The following ENPP6 variants were observed in gnomAD, a reference collection of about 807,000 sequenced individuals.
The protein encoded by ENPP6 is glycerophosphocholine cholinephosphodiesterase ENPP6.
In ENPP6, 32 loss-of-function variants were observed where a neutral mutation model predicts 42.0. That is an observed-to-expected ratio of 0.76 (90% CI 0.58 to 1.02). The LOEUF (loss-of-function observed/expected upper bound fraction) is 1.02. Among genes scored for constraint, ENPP6 ranks in the 50% least tolerant of loss-of-function variants. The pLI is 0.00. For synonymous variants in ENPP6, 213 were observed against 216.0 expected (o/e 0.99, Z 0.12); for missense variants, 552 against 566.8 (o/e 0.97, Z 0.27).
intron 3 of ENPP6, among the ~76,000 whole-genome samples, chr4:184,121,010 G>A (rs11943396): frequency 0.022 from 3,293 of 152,248 alleles, 109 homozygotes; most frequent in African/African-American, 0.076. Context: ...ACCACTGGCT[G>A]GCTTGTGAGG....
chr4:184,167,565 G>A (rs936617155), intron 1 of ENPP6, among the ~76,000 whole-genome samples: 10 of 152,176 alleles, frequency 6.6e-5, no homozygotes, highest in African/African-American at 1.9e-4. Flanking sequence ...AATCAAGTAC[G>A]AACCCATCAG....
chr4:184,092,748 G>A (rs1367567682), intron 7 of ENPP6, among the ~76,000 whole-genome samples: 1 of 152,234 alleles, frequency 6.6e-6, no homozygotes, highest in Non-Finnish European at 1.5e-5. Context: ...ATAAAGGCCT[G>A]TGCCTGTGCT....
intron 7 of ENPP6, among the ~76,000 whole-genome samples, chr4:184,092,616 G>C (rs914753673): frequency 2.0e-5 from 3 of 152,220 alleles, no homozygotes; most frequent in Admixed American, 1.3e-4. Flanking sequence ...CATTTAAAGA[G>C]TGAATGTAAG....
At chr4:184,150,810 G>A (rs1002645066) in intron 2 of ENPP6, among the ~76,000 whole-genome samples, 7 of 152,200 alleles carry the variant, frequency 4.6e-5, no homozygotes, top group Non-Finnish European at 1.0e-4. Flanking sequence ...AGGTCACTGA[G>A]GAAACTCTAG....
chr4:184,166,598 TCAC>T (rs1360052912), intron 1 of ENPP6, among the ~76,000 whole-genome samples: 1 of 152,228 alleles, frequency 6.6e-6, no homozygotes, highest in Non-Finnish European at 1.5e-5. Flanking sequence ...CAATTCATCT[TCAC>T]CGCTGTGCAA....
At chr4:184,096,830 G>T (rs549290529) in intron 7 of ENPP6, among the ~76,000 whole-genome samples, 1 of 152,166 alleles carries the variant, frequency 6.6e-6, no homozygotes, top group Non-Finnish European at 1.5e-5. Flanking sequence ...TGCTCGAGAC[G>T]GGAAGGACCG....
chr4:184,136,525 G>A (rs544621526), intron 2 of ENPP6, among the ~76,000 whole-genome samples: 4 of 152,230 alleles, frequency 2.6e-5, no homozygotes, highest in South Asian at 2.1e-4. Flanking sequence ...AGCTGGCAAT[G>A]AGTTCTCTCA....
intron 2 of ENPP6, among the ~76,000 whole-genome samples, chr4:184,130,697 A>G (rs541779014): frequency 2.8e-5 from 4 of 140,644 alleles, no homozygotes; most frequent in Non-Finnish European, 6.2e-5. Context: ...ATTCTATATC[A>G]TTTGCAGCAG....
intron 1 of ENPP6, among the ~76,000 whole-genome samples, chr4:184,154,366 G>A (rs756352269): frequency 5.3e-5 from 8 of 152,196 alleles, no homozygotes; most frequent in East Asian, 1.9e-4. Context: ...AGTGAGAGAC[G>A]CAAACGCTTG....
chr4:184,215,760 C>T (rs771138272), intron 1 of ENPP6, among the ~76,000 whole-genome samples: 16 of 152,200 alleles, frequency 1.1e-4, no homozygotes, highest in Non-Finnish European at 2.2e-4. Context: ...GGGCCAGCCT[C>T]AGTTTGAAAG....
chr4:184,213,328 G>A (rs1401565751), intron 1 of ENPP6, among the ~76,000 whole-genome samples: 10 of 150,652 alleles, frequency 6.6e-5, no homozygotes, highest in African/African-American at 1.2e-4. Context: ...GAAAATTTTC[G>A]CAACCTACTC....
In ENPP6 at chr4:184,192,236, G is replaced by A. The variant is rs554513360; in HGVS notation, c.241+25343C>T. On this transcript the variant is annotated intron_variant, in intron 1 of 7. Transcript: ENST00000296741. Reference sequence around the variant, plus strand: ...CTGATTTTGAAACTTTCTACAAAGCGTGGCAATCATGATAGTCTGATCTCA... The same window carrying A: ...CTGATTTTGAAACTTTCTACAAAGCATGGCAATCATGATAGTCTGATCTCA... Among the ~76,000 whole-genome samples, 148 of 152,274 alleles carry A rather than the reference G, an allele frequency of 9.7e-4. 1 individual carries two copies. The highest frequency in any genetic ancestry group is 3.2e-3 in the African/African-American group (132 of 41,576).
intron 2 of ENPP6, among the ~76,000 whole-genome samples, chr4:184,128,921 G>T (rs986851202): frequency 1.3e-5 from 2 of 152,252 alleles, no homozygotes; most frequent in Admixed American, 6.5e-5. Context: ...TTAGGAATTA[G>T]TCATGATAAT....
At chr4:184,153,114 C>T (rs1737084847) in intron 2 of ENPP6, among the ~76,000 whole-genome samples, 1 of 146,098 alleles carries the variant, frequency 6.8e-6, no homozygotes, top group African/African-American at 2.5e-5. Context: ...GCCCATAAGA[C>T]ATATTTCTTT....
chr4:184,173,652 G>C (rs1213127149), intron 1 of ENPP6, among the ~76,000 whole-genome samples: 3 of 152,202 alleles, frequency 2.0e-5, no homozygotes, highest in Non-Finnish European at 2.9e-5. Context: ...TTAGGTGTTG[G>C]CAGGGTCACT....
rs1453515074 is a variant in ENPP6 at position 184,111,058 on chromosome 4, A to G, written c.993+1614T>C. 2.0e-5 allele frequency among the ~76,000 whole-genome samples: 3 copies of G among 152,274 alleles called. No homozygotes were observed. In the East Asian group the frequency reaches 5.8e-4, roughly 29 times the overall value. On this transcript the variant is annotated intron_variant, in intron 6 of 7. Transcript: ENST00000296741. ...CTCGCTGGAATTGAGATGGCACCTC[A>G]TTAGTCATCCAGCATCTCCATAGTG... is the stretch of plus-strand genomic sequence containing the variant.
Position 184,147,578 on chromosome 4 carries a change from G to A in ENPP6, c.421+5976C>T, listed in dbSNP as rs555114278. Among the ~76,000 whole-genome samples the A allele has an allele frequency of 3.9e-5, 6 of 152,094 alleles. No homozygotes were observed. The South Asian group carries it at 6.2e-4, about 16-fold the overall frequency. On this transcript the variant is annotated intron_variant, in intron 2 of 7. Coordinates refer to ENST00000296741, the MANE Select transcript of ENPP6 (RefSeq NM_153343.4). ...AGAGGATTGCTTGAGTACGGGATTC[G>A]AGACCAGACTGGGCAACATAGTAAA... is the stretch of plus-strand genomic sequence containing the variant.
In ENPP6 at chr4:184,125,574, G is replaced by C. The variant is rs1300846098; in HGVS notation, c.422-1302C>G. Among the ~76,000 whole-genome samples, 6 of 152,192 alleles carry C rather than the reference G, an allele frequency of 3.9e-5. No homozygotes were observed. The South Asian group carries it at 1.2e-3, about 32-fold the overall frequency. On this transcript the variant is annotated intron_variant, in intron 2 of 7. Coordinates refer to ENST00000296741, the MANE Select transcript of ENPP6 (RefSeq NM_153343.4). ...TGGGTACATCTGCCAGCTGGTTACAGCTGATTTAAAAGATGACAGGGCAGC... is the reference window on the plus strand; with the variant it reads ...TGGGTACATCTGCCAGCTGGTTACACCTGATTTAAAAGATGACAGGGCAGC...
chr4:184,143,388 A>G (rs1579632589), intron 2 of ENPP6, among the ~76,000 whole-genome samples: 2 of 152,196 alleles, frequency 1.3e-5, no homozygotes, highest in African/African-American at 2.4e-5. Context: ...AGGCGGGAGC[A>G]GTGTCTGTGG....
Sources: allele counts gnomAD v4.1 joint callset (sites outside exome capture counted in the v4.1 genomes callset), GRCh38; gene constraint gnomAD v4.1.1; transcripts MANE v1.5; gene names NCBI Gene and HGNC (gene_info 2026-07-23, HGNC 2026-07-21).